The following RPS6KA2 variants were observed in gnomAD, a reference collection of about 807,000 sequenced individuals.
RPS6KA2 encodes ribosomal protein S6 kinase A2.
Under a neutral mutation model 91.8 loss-of-function variants are expected in RPS6KA2, and 42 were observed. That is an observed-to-expected ratio of 0.46 (90% confidence interval 0.36 to 0.59). The LOEUF is 0.59. Ranked by LOEUF, RPS6KA2 falls within the 20% of genes least tolerant of loss-of-function variation. The pLI is 0.00. For missense variants in RPS6KA2, 798 were observed against 978.5 expected (o/e 0.82, Z 2.46); for synonymous variants, 414 against 393.6 (o/e 1.05, Z -0.61).
intron 2 of RPS6KA2, among the ~76,000 whole-genome samples, chr6:166,680,447 C>T (rs1177415093): frequency 6.6e-6 from 1 of 152,156 alleles, no homozygotes; most frequent in Non-Finnish European, 1.5e-5. Context: ...TGCTCTGGTC[C>T]CCTTCCACGT....
intron 1 of RPS6KA2, among the ~76,000 whole-genome samples, chr6:166,594,013 C>T (rs1423854501): frequency 7.9e-5 from 12 of 152,242 alleles, no homozygotes; most frequent in East Asian, 5.8e-4. Flanking sequence ...TAAAAGTGCA[C>T]GGACAATTCT....
intron 2 of RPS6KA2, among the ~76,000 whole-genome samples, chr6:166,532,347 T>C (rs530701305): frequency 3.3e-5 from 5 of 152,240 alleles, no homozygotes; most frequent in Non-Finnish European, 7.4e-5. Context: ...GTCTAGACAC[T>C]TACCGAGTGC....
chr6:166,824,270 T>C (rs948588029), intron 2 of RPS6KA2, among the ~76,000 whole-genome samples: 4 of 152,060 alleles, frequency 2.6e-5, no homozygotes, highest in African/African-American at 9.7e-5. Context: ...GGAGCAGAGA[T>C]AGAGATGTGG....
intron 8 of RPS6KA2, among the ~76,000 whole-genome samples, chr6:166,496,882 C>T (rs865779828): frequency 1.3e-5 from 2 of 152,196 alleles, no homozygotes; most frequent in African/African-American, 2.4e-5. Context: ...CATAGCCCAG[C>T]GTCAGCAAAG....
intron 1 of RPS6KA2, among the ~76,000 whole-genome samples, chr6:166,614,738 T>C (rs1277651630): frequency 6.6e-6 from 1 of 152,150 alleles, no homozygotes; most frequent in African/African-American, 2.4e-5. Context: ...CCACCTGCGT[T>C]CCTTGCTCCT....
chr6:166,649,757 G>A (rs1426046821), intron 2 of RPS6KA2, among the ~76,000 whole-genome samples: 1 of 152,176 alleles, frequency 6.6e-6, no homozygotes, highest in Non-Finnish European at 1.5e-5. Context: ...ACCCCGGGGG[G>A]TTTTCGTTCC....
Position 166,460,422 on chromosome 6 carries a change from G to T in RPS6KA2, c.973-871C>A, listed in dbSNP as rs181544438. ...GGAACCTGGCGTAGTCCTCAGGCGG[G>T]TGATGCTGCAGGTGGTGCTTAGATG... On this transcript the variant is annotated intron_variant, in intron 11 of 20. Transcript: ENST00000265678. Among the ~76,000 whole-genome samples, 626 of 152,350 alleles carry T rather than the reference G, an allele frequency of 4.1e-3. 7 individuals are homozygous for T. Among genetic ancestry groups the T allele is most frequent in the African/African-American group, 0.014 (600 of 41,576 alleles).
At chr6:166,540,365 C>A (rs1783615636) in intron 1 of RPS6KA2, among the ~76,000 whole-genome samples, 1 of 152,222 alleles carries the variant, frequency 6.6e-6, no homozygotes, top group Non-Finnish European at 1.5e-5. Flanking sequence ...ATGCAGTTAT[C>A]CATGGCTTTT....
intron 1 of RPS6KA2, among the ~76,000 whole-genome samples, chr6:166,584,397 A>G (rs4710071): frequency 0.29 from 44,154 of 152,166 alleles, 7,107 homozygotes; most frequent in East Asian, 0.54. Flanking sequence ...GGAGCTTCCA[A>G]ATGTGAACAT....
chr6:166,456,214 G>C (rs1780101071), intron 12 of RPS6KA2, among the ~76,000 whole-genome samples: 1 of 152,248 alleles, frequency 6.6e-6, no homozygotes, highest in Non-Finnish European at 1.5e-5. Context: ...AAAAGTAACA[G>C]CAATTTACCG....
intron 2 of RPS6KA2, among the ~76,000 whole-genome samples, chr6:166,786,022 A>G (rs1303723155): frequency 1.3e-5 from 2 of 152,256 alleles, no homozygotes; most frequent in Non-Finnish European, 1.5e-5. Flanking sequence ...AAATGTGACC[A>G]GAAAACCATA....
intron 1 of RPS6KA2, among the ~76,000 whole-genome samples, chr6:166,622,129 ACAGT>A (rs1349797798): frequency 1.3e-5 from 2 of 152,224 alleles, no homozygotes; most frequent in East Asian, 3.8e-4. Flanking sequence ...GTGGCCAAAG[ACAGT>A]CAGCACGTGG....
chr6:166,560,865 A>G (rs902805086), intron 1 of RPS6KA2, among the ~76,000 whole-genome samples: 1 of 151,916 alleles, frequency 6.6e-6, no homozygotes, highest in South Asian at 2.1e-4. Flanking sequence ...AATGCTATCA[A>G]TGGTCACTTA....
intron 1 of RPS6KA2, among the ~76,000 whole-genome samples, chr6:166,859,671 G>A (rs948119458): frequency 6.7e-6 from 1 of 149,708 alleles, no homozygotes. Flanking sequence ...TTTATAAACT[G>A]TATTTAGTGT....
Position 166,737,666 on chromosome 6 carries a change from C to A in RPS6KA2, c.123+120534G>T, listed in dbSNP as rs1376038104. ...CCCTCCCAGCTTTCCAGGCTAACGT[C>A]CGGATAATCCCCCCAGGTACCTGGG... On this transcript the variant is annotated intron_variant, in intron 2 of 21. Coordinates refer to the RPS6KA2 transcript ENST00000503859. The surrounding 1 kb of genome is among the most constrained non-coding windows in gnomAD (Gnocchi z 4.3). 6.6e-6 allele frequency among the ~76,000 whole-genome samples: 1 copy of A among 152,154 alleles called. No homozygotes were observed. Among genetic ancestry groups the A allele is most frequent in the Non-Finnish European group, 1.5e-5 (1 of 68,034 alleles).
At chr6:166,721,108 C>T (rs549521820) in intron 2 of RPS6KA2, among the ~76,000 whole-genome samples, 1 of 152,330 alleles carries the variant, frequency 6.6e-6, no homozygotes, top group South Asian at 2.1e-4. Context: ...AATTTCTTAA[C>T]AATTTCACGA....
At chr6:166,589,546 G>A (rs1785291287) in intron 1 of RPS6KA2, among the ~76,000 whole-genome samples, 1 of 152,220 alleles carries the variant, frequency 6.6e-6, no homozygotes, top group African/African-American at 2.4e-5. Context: ...CATGCTTCAT[G>A]GAAGGCTGCA....
chr6:166,729,654 C>G (rs1028973693), intron 2 of RPS6KA2, among the ~76,000 whole-genome samples: 8 of 152,196 alleles, frequency 5.3e-5, no homozygotes, highest in African/African-American at 1.9e-4. Context: ...AAACATTTAT[C>G]TTGAAGGTCT....
Position 166,635,571 on chromosome 6 carries a change from A to G in RPS6KA2, c.124-96787T>C, listed in dbSNP as rs78360812. 2.3e-4 allele frequency among the ~76,000 whole-genome samples: 35 copies of G among 152,302 alleles called. No individual in the cohort carries two copies. In the East Asian group the frequency reaches 6.4e-3, roughly 28 times the overall value. ...TGAGAGCATGGTCCTGAGGAGGTTC[A>G]TTTGGCTGCTGTGTGAGGGTGTGTT... On this transcript the variant is annotated intron_variant, in intron 2 of 21. Transcript: ENST00000503859. This position sits in a 1 kb window ranked among gnomAD's most constrained non-coding sequence, Gnocchi z 4.8.
Sources: gnomAD v4.1 joint callset for allele counts (sites outside exome capture counted in the v4.1 genomes callset) on GRCh38, gnomAD v4.1.1 for gene constraint, Gnocchi (gnomAD v3.1) non-coding constraint, MANE v1.5 for transcripts, NCBI Gene and HGNC (gene_info 2026-07-23, HGNC 2026-07-21) for gene names.